Variants in DNAAF1 observed in about 807,000 individuals in gnomAD.
DNAAF1 encodes dynein axonemal assembly factor 1.
In DNAAF1, 65 loss-of-function variants were observed where a neutral mutation model predicts 71.1. The ratio of observed to expected loss-of-function variants is 0.91; its 90% CI spans 0.75 to 1.12. The LOEUF (loss-of-function observed/expected upper bound fraction) is 1.12, where lower values mean the gene tolerates loss of function less well. DNAAF1 is among the 50% of genes most tolerant of loss of function. The pLI is 0.00. For missense variants in DNAAF1, 1,178 were observed against 899.8 expected, an observed-to-expected ratio of 1.31 and a Z score of -3.96; for synonymous variants, 414 against 354.6, an observed-to-expected ratio of 1.17 and a Z score of -1.88.
chr16:84,174,055 A>G, intron 9 of DNAAF1: 1 of 325,588 alleles, frequency 3.1e-6, no homozygotes, highest in South Asian at 1.0e-4. Flanking sequence ...TATCATCCCA[A>G]TTTCCCAGAT....
Position 84,149,007 on chromosome 16 carries a change from A to C in DNAAF1, c.125A>C (p.Glu42Ala), listed in dbSNP as rs750312087. The C allele has an allele frequency of 6.2e-7, 1 of 1,614,096 alleles. No individual in the cohort carries two copies. The highest frequency in any genetic ancestry group is 1.7e-5 in the Admixed American group (1 of 59,994). Residue 42 changes from glutamate to alanine, a missense_variant and splice_region_variant, in exon 2 of 12, where the codon GAA becomes GCA. Coordinates refer to ENST00000378553, the MANE Select transcript of DNAAF1 (RefSeq NM_178452.6). ...GSAGRGGCKE[E>A]INDPKEICVG... ...AGACCTGATCTCTTTTATTTTACAG[A>C]AATTAATGATCCTAAGGAAATATGT...
At chr16:84,165,474 T>C (rs1004569231) in intron 6 of DNAAF1, among the ~76,000 whole-genome samples, 2 of 152,156 alleles carry the variant, frequency 1.3e-5, no homozygotes, top group African/African-American at 4.8e-5. Context: ...CATGAGCCAC[T>C]GTGCCCTGCT....
chr16:84,169,547 GT>G (rs2088210684), intron 7 of DNAAF1, among the ~76,000 whole-genome samples: 1 of 152,040 alleles, frequency 6.6e-6, no homozygotes, highest in African/African-American at 2.4e-5. Flanking sequence ...AGCCTCTTGA[GT>G]AGCTGGGGCT....
Position 84,149,146 on chromosome 16 carries a change from T to C in DNAAF1, c.260+4T>C. On this transcript the variant is annotated splice_donor_region_variant and intron_variant, in intron 2 of 11. Transcript: ENST00000378553. ...ACAGGGAAGATCGGGGCCCCAGGTA[T>C]GTGGGCATACTCCTAATTAGTGCAC... 1.9e-6 allele frequency: 3 copies of C among 1,613,932 alleles called. No individual in the cohort carries two copies. The highest frequency in any genetic ancestry group is 1.1e-5 in the South Asian group (1 of 91,082).
chr16:84,162,294 A>G (rs902408635), intron 6 of DNAAF1: 13 of 152,096 alleles, frequency 8.5e-5, no homozygotes, highest in African/African-American at 2.7e-4. Flanking sequence ...CATACCATAC[A>G]GTTTACGTAT....
At chr16:84,146,684 G>C (rs544878773) in intron 1 of DNAAF1, among the ~76,000 whole-genome samples, 1 of 151,954 alleles carries the variant, frequency 6.6e-6, no homozygotes, top group Non-Finnish European at 1.5e-5. Flanking sequence ...GGCTGAGGCT[G>C]CAGTGAGCCA....
rs539379602 is a variant in DNAAF1, at chr16:84,176,264, A to G, written c.2030A>G (p.Asp677Gly). 2 of 1,613,524 alleles carry G rather than the reference A, an allele frequency of 1.2e-6. No homozygotes were observed. The highest frequency in any genetic ancestry group is 2.2e-5 in the East Asian group (1 of 44,868). The change falls in exon 11 of 12, where the codon GAC becomes GGC. Residue 677 changes from aspartate (D) to glycine (G), a missense_variant. Coordinates refer to ENST00000378553, the MANE Select transcript of DNAAF1 (RefSeq NM_178452.6). The part of the protein sequence containing the change: ...RDAAPLTSSG[D>G]RDSDFLAASS... Reference sequence around the variant, plus strand: ...GCTGCACCACTCACTTCCAGTGGAGACAGGGACAGCGACTTCCTTGCAGCC... The same window carrying G: ...GCTGCACCACTCACTTCCAGTGGAGGCAGGGACAGCGACTTCCTTGCAGCC...
chr16:84,149,113 A>G lies in DNAAF1; in HGVS notation c.231A>G (p.Pro77=). The change falls in exon 2 of 12, where the codon CCA becomes CCG. Residue 77 remains proline, a synonymous_variant. Transcript: ENST00000378553. ...DNGSGGHFAH[P]REDREDRGPR... ...GGTCAGGTGGTCACTTCGCACACCCAAGAGAAGACAGGGAAGATCGGGGCC... is the reference window on the plus strand; with the variant it reads ...GGTCAGGTGGTCACTTCGCACACCCGAGAGAAGACAGGGAAGATCGGGGCC... 1 of 1,614,154 alleles carries G rather than the reference A, an allele frequency of 6.2e-7. No individual in the cohort carries two copies. Among genetic ancestry groups the G allele is most frequent in the Non-Finnish European group, 8.5e-7 (1 of 1,180,036 alleles).
chr16:84,151,816 G>A (rs2087199401), intron 3 of DNAAF1, among the ~76,000 whole-genome samples: 2 of 152,216 alleles, frequency 1.3e-5, no homozygotes, highest in South Asian at 4.1e-4. Context: ...GACCCTCATA[G>A]CTGTCAGCCA....
In DNAAF1 at chr16:84,170,500, T is replaced by C. The variant is rs551952479; in HGVS notation, c.1528+144T>C. The C allele has an allele frequency of 6.4e-5, 86 of 1,352,228 alleles. 2 individuals carry two copies. In the South Asian group the frequency reaches 1.1e-3, roughly 17 times the overall value. 83.8% of individuals were successfully genotyped at this position (1,352,228 alleles called of 1,614,324 possible). On this transcript the variant is annotated intron_variant, in intron 8 of 11. Transcript: ENST00000378553. ...AGAAGATAATGGACACTAGTTATCT[T>C]GTTTTCTAGAACAGGGCTGCCCAAC...
chr16:84,146,972 C>A, intron 1 of DNAAF1, among the ~76,000 whole-genome samples: 1 of 152,174 alleles, frequency 6.6e-6, no homozygotes, highest in African/African-American at 2.4e-5. Context: ...AGGGAACTGG[C>A]ATTACTCAGT....
rs1567561553 is a variant in DNAAF1, at chr16:84,170,241, G to A, written c.1413G>A (p.Glu471=). ...AGCCAGAGGGGACCCTCCCAGCTGA[G>A]ACCCTGCTACTGTCACCGCCTGTGA... is the stretch of plus-strand genomic sequence containing the variant. The part of the protein sequence containing the change: ...DQEPEGTLPA[E]TLLLSPPVKV... The change falls in exon 8 of 12, where the codon GAG becomes GAA. Residue 471 remains glutamate (E), a synonymous_variant. Coordinates refer to ENST00000378553, the MANE Select transcript of DNAAF1 (RefSeq NM_178452.6). 6.2e-7 allele frequency: 1 copy of A among 1,609,564 alleles called. No individual in the cohort carries two copies. The highest frequency in any genetic ancestry group is 1.3e-5 in the African/African-American group (1 of 74,602).
rs148387367 is a variant in DNAAF1, at chr16:84,172,298, G to A, written c.1567G>A (p.Val523Ile). The change falls in exon 9 of 12, where the codon GTT (valine) becomes ATT (isoleucine). Residue 523 changes from valine to isoleucine, a missense_variant. Coordinates refer to ENST00000378553, the MANE Select transcript of DNAAF1 (RefSeq NM_178452.6). ...GGCTGTGGCCACTGAGGGTGTATTC[G>A]TTACAGAACTTGATGGAACGAGAAC... ...PQAVATEGVF[V>I]TELDGTRTED... The A allele has an allele frequency of 3.3e-4, 528 of 1,614,174 alleles. No homozygotes were observed. In the African/African-American group the frequency reaches 5.4e-3, roughly 16 times the overall value.
At chr16:84,167,344 A>G (rs928067995) in intron 7 of DNAAF1, among the ~76,000 whole-genome samples, 3 of 151,968 alleles carry the variant, frequency 2.0e-5, no homozygotes, top group Non-Finnish European at 4.4e-5. Flanking sequence ...AGCTCTCTGA[A>G]CCCCACAGTT....
intron 9 of DNAAF1, 61 bp from the exon 10 acceptor site, chr16:84,174,608 T>G: frequency 6.2e-7 from 1 of 1,613,822 alleles, no homozygotes; most frequent in Non-Finnish European, 8.5e-7. Flanking sequence ...TTATCGTGCC[T>G]ATCAGAACGT....
chr16:84,147,559 C>G (rs1449665568), intron 1 of DNAAF1, among the ~76,000 whole-genome samples: 1 of 151,834 alleles, frequency 6.6e-6, no homozygotes, highest in Admixed American at 6.6e-5. Flanking sequence ...GTTACCCAGG[C>G]TAGATCTTCC....
chr16:84,174,882 G>A (rs1275901161), intron 10 of DNAAF1, 160 bp downstream of exon 10: 1 of 958,882 alleles, frequency 1.0e-6, no homozygotes, highest in Non-Finnish European at 1.6e-6. Flanking sequence ...TTCAGGCAGA[G>A]TCTGGCTCTG....
intron 7 of DNAAF1, among the ~76,000 whole-genome samples, chr16:84,169,218 C>A (rs974938408): frequency 2.0e-5 from 3 of 150,540 alleles, no homozygotes; most frequent in African/African-American, 7.3e-5. Flanking sequence ...GGATTATAGG[C>A]ATGTGCCACC....
At chr16:84,174,547 T>C in intron 9 of DNAAF1, 122 bp from the exon 10 acceptor site, 1 of 1,585,422 alleles carries the variant, frequency 6.3e-7, no homozygotes, top group Non-Finnish European at 8.6e-7. Context: ...GCGAGTCACC[T>C]GAGTGATTTG....
Sources: gnomAD v4.1 joint callset for allele counts (sites outside exome capture counted in the v4.1 genomes callset) on GRCh38, gnomAD v4.1.1 for gene constraint, MANE v1.5 for transcripts, NCBI Gene and HGNC (gene_info 2026-07-23, HGNC 2026-07-21) for gene names.